USP28: variants seen among roughly 807,000 people sequenced by gnomAD.
USP28 encodes the protein ubiquitin carboxyl-terminal hydrolase 28.
USP28 carries 113 observed loss-of-function variants against 145.0 expected under a neutral mutation model. The ratio of observed to expected loss-of-function variants is 0.78; its 90% CI spans 0.67 to 0.91. The LOEUF (loss-of-function observed/expected upper bound fraction) is 0.91, where lower values mean the gene tolerates loss of function less well. Among genes scored for constraint, USP28 ranks in the 40% least tolerant of loss-of-function variants. The probability of loss-of-function intolerance (pLI) is 0.00; values close to 1 mark genes in which losing one functional copy is unlikely to be tolerated. For synonymous variants in USP28, 447 were observed against 450.9 expected (o/e 0.99, Z 0.11); for missense variants, 1,201 against 1,289.6 (o/e 0.93, Z 1.05).
In USP28 at chr11:113,800,929, G is replaced by A. The variant is rs142256660; in HGVS notation, c.3058+554C>T. 6.4e-3 allele frequency among the ~76,000 whole-genome samples: 951 copies of A among 148,308 alleles called. 6 individuals are homozygous for A. The highest frequency in any genetic ancestry group is 0.022 in the African/African-American group (895 of 40,156). ...GCTATCTCGGCTCATTGCAAACTCC[G>A]CTGCCCAGGTTCAAGTGATTCTCCT... On this transcript the variant is annotated intron_variant, in intron 24 of 24. Coordinates refer to ENST00000003302, the Ensembl canonical transcript of USP28.
exon 1 of USP28, chr11:113,875,552 G>C (rs906864952): frequency 3.1e-5 from 35 of 1,121,828 alleles, no homozygotes; most frequent in Admixed American, 5.0e-5. Context: ...AGCCGCCGCC[G>C]GCCCAGCCTC....
chr11:113,823,803 G>A lies in USP28; in HGVS notation c.1188-103C>T. On this transcript the variant is annotated intron_variant, in intron 11 of 24. Coordinates refer to ENST00000003302, the Ensembl canonical transcript of USP28. ...AGGAAACTTCTTCAATCAGATATAG[G>A]GCATCTATAAAAAACATACGGCTGA... is the stretch of plus-strand genomic sequence containing the variant. The A allele has an allele frequency of 4.6e-6, 4 of 865,546 alleles. No homozygotes were observed. The Admixed American group carries it at 9.7e-5, about 21-fold the overall frequency. 53.6% of individuals were successfully genotyped at this position (865,546 alleles called of 1,614,324 possible). A position where few individuals can be genotyped will look rare whatever the true frequency, so the allele number is the denominator to read the frequency against.
chr11:113,840,043 A>C (rs1945023653), intron 5 of USP28, among the ~76,000 whole-genome samples: 1 of 152,106 alleles, frequency 6.6e-6, no homozygotes, highest in African/African-American at 2.4e-5. Flanking sequence ...AAAAAACCTG[A>C]ACTGAAACCC....
intron 1 of USP28, among the ~76,000 whole-genome samples, chr11:113,870,944 G>C (rs1391979625): frequency 6.6e-6 from 1 of 151,604 alleles, no homozygotes; most frequent in Non-Finnish European, 1.5e-5. Flanking sequence ...TTTTGTTGTT[G>C]TTATTTGGTT....
At chr11:113,832,104 T>G in intron 7 of USP28, 111 bp from the exon 8 acceptor site, 1 of 944,974 alleles carries the variant, frequency 1.1e-6, no homozygotes, top group Non-Finnish European at 1.6e-6. Flanking sequence ...AAGCATTTCT[T>G]TTTTTCTTTT....
At chr11:113,844,842 C>T (rs749434453) in intron 3 of USP28, among the ~76,000 whole-genome samples, 3 of 152,116 alleles carry the variant, frequency 2.0e-5, no homozygotes, top group African/African-American at 4.8e-5. Context: ...CGGTGGCTCA[C>T]GCCTGTAATC....
chr11:113,829,532 A>G, intron 9 of USP28, 187 bp from the exon 10 acceptor site: 1 of 669,432 alleles, frequency 1.5e-6, no homozygotes, highest in Non-Finnish European at 2.4e-6. Context: ...AAAACCAGTA[A>G]CACTGGAAAA....
At chr11:113,859,383 AAT>A (rs1412144573) in intron 1 of USP28, 3 of 152,202 alleles carry the variant, frequency 2.0e-5, no homozygotes, top group Non-Finnish European at 4.4e-5. Context: ...AAATTGGAAC[AAT>A]ACAGAGATTA....
chr11:113,858,358 C>G (rs185335238), intron 1 of USP28, among the ~76,000 whole-genome samples: 1 of 152,320 alleles, frequency 6.6e-6, no homozygotes, highest in East Asian at 1.9e-4. Context: ...CAAACTCATT[C>G]TCTCATGCAT....
rs1177416351 is a variant in USP28 at position 113,854,420 on chromosome 11, G to A, written c.58-85C>T. ...TTTAAAGAATAACTAAAAGCATCTT[G>A]GATAAACAGGCCTGAGGCTTGCCCA... is the stretch of plus-strand genomic sequence containing the variant. On this transcript the variant is annotated intron_variant, in intron 1 of 24. Coordinates refer to ENST00000003302, the Ensembl canonical transcript of USP28. 2.3e-5 allele frequency: 31 copies of A among 1,321,104 alleles called. 2 individuals are homozygous for A. In the South Asian group the frequency reaches 3.2e-4, roughly 14 times the overall value. The allele number at this position is 1,321,104 out of a possible 1,614,324, so 81.8% of individuals were successfully genotyped here. A position where few individuals can be genotyped will look rare whatever the true frequency, so the allele number is the denominator to read the frequency against.
At chr11:113,841,850 C>T (rs2136194320) in intron 3 of USP28, 82 bp from the exon 4 acceptor site, 1 of 903,712 alleles carries the variant, frequency 1.1e-6, no homozygotes, top group South Asian at 1.9e-5. Context: ...TAAAGACATA[C>T]TCCCTAGCTT....
chr11:113,817,487 T>G lies in USP28; in HGVS notation c.1463+171A>C, dbSNP rs536283675. Among the ~76,000 whole-genome samples, 19 of 152,280 alleles carry G rather than the reference T, an allele frequency of 1.2e-4. No individual in the cohort carries two copies. The East Asian group carries it at 1.4e-3, about 11-fold the overall frequency. On this transcript the variant is annotated intron_variant, in intron 13 of 24. Coordinates refer to ENST00000003302, the Ensembl canonical transcript of USP28. ...TCTACGGATAAGACAAATGCACTGGTGGGCCCACTCCCACCCAAGTGACAG... is the reference window on the plus strand; with the variant it reads ...TCTACGGATAAGACAAATGCACTGGGGGGCCCACTCCCACCCAAGTGACAG...
intron 16 of USP28, among the ~76,000 whole-genome samples, chr11:113,809,754 C>T (rs188873300): frequency 1.3e-5 from 2 of 152,240 alleles, no homozygotes; most frequent in Admixed American, 6.5e-5. Flanking sequence ...GAAAGTGGGC[C>T]GGGTGCAGTG....
At chr11:113,805,000 G>A (rs750889194) in exon 20 of USP28, 9 of 1,614,122 alleles carry the variant, frequency 5.6e-6, no homozygotes, top group Non-Finnish European at 7.6e-6. Flanking sequence ...AGAGGTGGGG[G>A]TCTCTTTGGC....
At chr11:113,813,832 G>T in intron 15 of USP28, 53 bp downstream of exon 15, 3 of 1,414,064 alleles carry the variant, frequency 2.1e-6, no homozygotes, top group Non-Finnish European at 3.0e-6. Context: ...TTTGATTTTT[G>T]TATCTACCAT....
chr11:113,874,422 C>CGA (rs1555099292), intron 1 of USP28: 11 of 788,834 alleles, frequency 1.4e-5, no homozygotes, highest in Admixed American at 7.1e-5. Flanking sequence ...GAGACTCTGT[C>CGA]GAAAAAAAAA....
chr11:113,841,758 G>T (rs112058899), exon 4 of USP28: 2 of 1,610,692 alleles, frequency 1.2e-6, no homozygotes, highest in Non-Finnish European at 1.7e-6. Flanking sequence ...CATGAGTAAG[G>T]TCTATAACTT....
At chr11:113,866,975 T>A (rs530021251) in intron 1 of USP28, among the ~76,000 whole-genome samples, 2 of 109,774 alleles carry the variant, frequency 1.8e-5, no homozygotes, top group East Asian at 4.9e-4. Context: ...AATGAAAAAC[T>A]CATACATGCT....
exon 5 of USP28, chr11:113,840,725 C>A (rs554447859): frequency 3.7e-6 from 6 of 1,614,148 alleles, no homozygotes; most frequent in Non-Finnish European, 5.1e-6. Context: ...TCTCTTTGAG[C>A]GTTTAGTTTC....
Sources: allele counts gnomAD v4.1 joint callset (sites outside exome capture counted in the v4.1 genomes callset), GRCh38; gene constraint gnomAD v4.1.1; transcripts MANE v1.5; gene names NCBI Gene and HGNC (gene_info 2026-07-23, HGNC 2026-07-21).